F5: variants seen among roughly 807,000 people sequenced by gnomAD.
F5 encodes coagulation factor V.
In F5, 138 loss-of-function variants were observed where a neutral mutation model predicts 216.4. That is an observed-to-expected ratio of 0.64 (90% CI 0.56 to 0.73). The LOEUF (loss-of-function observed/expected upper bound fraction) is 0.73. Ranked by LOEUF, F5 falls within the 30% of genes least tolerant of loss-of-function variation. The probability of loss-of-function intolerance (pLI) is 0.00; values close to 1 mark genes in which losing one functional copy is unlikely to be tolerated. For missense variants in F5, 2,403 were observed against 2,674.0 expected (o/e 0.90, Z 2.24); for synonymous variants, 916 against 930.7 (o/e 0.98, Z 0.29).
At chr1:169,532,212 C>G (rs1659607386) in intron 14 of F5, among the ~76,000 whole-genome samples, 1 of 152,136 alleles carries the variant, frequency 6.6e-6, no homozygotes, top group Non-Finnish European at 1.5e-5. Flanking sequence ...CTAATAGGAG[C>G]CATCTATGAC....
At chr1:169,574,681 A>T (rs896048888) in intron 2 of F5, among the ~76,000 whole-genome samples, 1 of 152,238 alleles carries the variant, frequency 6.6e-6, no homozygotes, top group Admixed American at 6.5e-5. Flanking sequence ...AGATATTAAG[A>T]TCCTCATTTT....
intron 22 of F5, among the ~76,000 whole-genome samples, chr1:169,519,387 G>C (rs1659231869): frequency 6.6e-6 from 1 of 152,112 alleles, no homozygotes; most frequent in South Asian, 2.1e-4. Context: ...ACATTTTAGG[G>C]TAGTTTATTA....
intron 1 of F5, among the ~76,000 whole-genome samples, chr1:169,585,921 G>T (rs1187800003): frequency 6.6e-6 from 1 of 152,122 alleles, no homozygotes; most frequent in Non-Finnish European, 1.5e-5. Flanking sequence ...TGGTGCCTTT[G>T]AATTAACCAA....
At chr1:169,550,274 T>TTC (rs1660132413) in intron 9 of F5, among the ~76,000 whole-genome samples, 1 of 36,240 alleles carries the variant, frequency 2.8e-5, no homozygotes. Flanking sequence ...ATGCTATCCC[T>TTC]CCCCCCGCCC....
intron 23 of F5, among the ~76,000 whole-genome samples, chr1:169,517,999 T>G (rs928867580): frequency 6.6e-6 from 1 of 152,206 alleles, no homozygotes; most frequent in African/African-American, 2.4e-5. Context: ...CGCTGCCTGT[T>G]TTTTGTAAAC....
At chr1:169,582,672 GATCA>G (rs775522090) in intron 1 of F5, 150 bp from the exon 2 acceptor site, 63 of 496,186 alleles carry the variant, frequency 1.3e-4, no homozygotes, top group Non-Finnish European at 2.0e-4. Context: ...TTATAAATAT[GATCA>G]ATAAGTAAAG....
At chr1:169,562,291 C>G (rs1430127649) in intron 3 of F5, among the ~76,000 whole-genome samples, 1 of 152,046 alleles carries the variant, frequency 6.6e-6, no homozygotes, top group African/African-American at 2.4e-5. Flanking sequence ...ATTACACACC[C>G]TTTTGTGTTG....
At chr1:169,559,551 C>A (rs545879702) in intron 4 of F5, among the ~76,000 whole-genome samples, 1 of 152,106 alleles carries the variant, frequency 6.6e-6, no homozygotes, top group Non-Finnish European at 1.5e-5. Flanking sequence ...GGGAAGAAAA[C>A]ATTTGGTGAC....
intron 1 of F5, among the ~76,000 whole-genome samples, chr1:169,583,779 A>G (rs9332493): frequency 0.03 from 4,582 of 152,312 alleles, 226 homozygotes; most frequent in African/African-American, 0.1. Flanking sequence ...GGAATACAGA[A>G]ACTGTGTTAA....
intron 2 of F5, among the ~76,000 whole-genome samples, chr1:169,573,155 C>A (rs968574202): frequency 6.6e-6 from 1 of 152,080 alleles, no homozygotes; most frequent in African/African-American, 2.4e-5. Flanking sequence ...ACCATGTTGG[C>A]CAGGCTGGTC....
chr1:169,526,696 C>T (rs979180499), intron 17 of F5, among the ~76,000 whole-genome samples: 1 of 151,892 alleles, frequency 6.6e-6, no homozygotes, highest in Non-Finnish European at 1.5e-5. Context: ...TTCCTCTCTC[C>T]AATGCAGGTA....
At chr1:169,535,799 G>A (rs139278940) in intron 14 of F5, among the ~76,000 whole-genome samples, 73 of 152,180 alleles carry the variant, frequency 4.8e-4, no homozygotes, top group African/African-American at 1.4e-3. Context: ...ACTTGTTTAC[G>A]TTTTTAAAAA....
intron 8 of F5, among the ~76,000 whole-genome samples, chr1:169,551,917 G>C (rs1463750652): frequency 6.6e-6 from 1 of 152,162 alleles, no homozygotes; most frequent in Non-Finnish European, 1.5e-5. Context: ...AACCATTAGA[G>C]AGCTGCATAC....
intron 13 of F5, among the ~76,000 whole-genome samples, chr1:169,537,686 C>T (rs759078656): frequency 2.0e-5 from 3 of 151,946 alleles, no homozygotes; most frequent in East Asian, 1.9e-4. Flanking sequence ...ATAGACATTT[C>T]GTAAAAGAAG....
Position 169,523,359 on chromosome 1 carries a change from T to A in F5, c.5893-7A>T. ...CTTCCTTTTGCATGTCCACCTGCAA[T>A]ATAGGAAAGCCAGTAAACAGAACTG... On this transcript the variant is annotated splice_polypyrimidine_tract_variant and splice_region_variant and intron_variant, in intron 20 of 24. Coordinates refer to ENST00000367797, the MANE Select transcript of F5 (RefSeq NM_000130.5). The A allele has an allele frequency of 6.2e-7, 1 of 1,613,936 alleles. No homozygotes were observed. Among genetic ancestry groups the A allele is most frequent in the Middle Eastern group, 1.7e-4 (1 of 6,050 alleles).
intron 18 of F5, among the ~76,000 whole-genome samples, chr1:169,525,265 G>A (rs968601513): frequency 2.0e-5 from 3 of 152,138 alleles, no homozygotes; most frequent in South Asian, 2.1e-4. Context: ...GGGAGGCCGA[G>A]GGGGGAGGAT....
chr1:169,551,715 G>T (rs921204458), intron 8 of F5, among the ~76,000 whole-genome samples: 2 of 152,202 alleles, frequency 1.3e-5, no homozygotes, highest in Admixed American at 1.3e-4. Context: ...CTATTTGGTT[G>T]ATTGTCAAAG....
chr1:169,556,609 T>C, intron 6 of F5, 37 bp downstream of exon 6: 7 of 1,601,150 alleles, frequency 4.4e-6, no homozygotes, highest in Non-Finnish European at 6.0e-6. Flanking sequence ...GAAAGGATTC[T>C]GCATTGAGAA....
Position 169,586,433 on chromosome 1 carries a change from C to T in F5, c.-47G>A. On this transcript the variant is annotated 5_prime_UTR_variant, in exon 1 of 25. Transcript: ENST00000367797. ...GGCTGCCACCACCCCAGGACCTGGGCAGCGCTTGCCGAGCTGCTAACCACA... is the reference window on the plus strand; with the variant it reads ...GGCTGCCACCACCCCAGGACCTGGGTAGCGCTTGCCGAGCTGCTAACCACA... The T allele has an allele frequency of 6.3e-7, 1 of 1,590,830 alleles. No homozygotes were observed. Among genetic ancestry groups the T allele is most frequent in the Non-Finnish European group, 8.5e-7 (1 of 1,172,574 alleles).
Sources: allele counts gnomAD v4.1 joint callset (sites outside exome capture counted in the v4.1 genomes callset), GRCh38; gene constraint gnomAD v4.1.1; transcripts MANE v1.5; gene names NCBI Gene and HGNC (gene_info 2026-07-23, HGNC 2026-07-21).